The following MCMBP variants were observed in gnomAD, a reference collection of about 807,000 sequenced individuals.
The protein encoded by MCMBP is mini-chromosome maintenance complex-binding protein.
MCMBP carries 31 observed loss-of-function variants against 81.3 expected under a neutral mutation model. That is an observed-to-expected ratio of 0.38 (90% CI 0.29 to 0.51). The LOEUF (loss-of-function observed/expected upper bound fraction) is 0.51. MCMBP is among the 20% of genes least tolerant of loss of function. MCMBP has a pLI of 0.87. For synonymous variants in MCMBP, 267 were observed against 275.9 expected (o/e 0.97, Z 0.32); for missense variants, 645 against 772.1 (o/e 0.84, Z 1.95).
In MCMBP at chr10:119,831,227, C is replaced by CT. The variant is rs368731031; in HGVS notation, c.*246dup. The CT allele has an allele frequency of 6.5e-5, 16 of 244,992 alleles. No individual in the cohort carries two copies. Among genetic ancestry groups the CT allele is most frequent in the African/African-American group, 2.7e-4 (12 of 43,944 alleles). 15.2% of individuals were successfully genotyped at this position (244,992 alleles called of 1,614,324 possible). On this transcript the variant is annotated 3_prime_UTR_variant, in exon 16 of 16. Coordinates refer to ENST00000369077, the MANE Select transcript of MCMBP (RefSeq NM_001256378.2). ...AATATTAAACTTTTAATATCAAATA[C>CT]TTTTTTTACATCATTACTAATTTAT...
intron 5 of MCMBP, among the ~76,000 whole-genome samples, chr10:119,855,940 T>G (rs1853024563): frequency 6.6e-6 from 1 of 152,136 alleles, no homozygotes; most frequent in Non-Finnish European, 1.5e-5. Context: ...TCAAAATATC[T>G]GTTAAAAAAC....
intron 1 of MCMBP, among the ~76,000 whole-genome samples, chr10:119,871,351 T>TG (rs1049979623): frequency 6.6e-6 from 1 of 152,180 alleles, no homozygotes; most frequent in African/African-American, 2.4e-5. Context: ...GAATTTTTTT[T>TG]TTTTTCAAGT....
chr10:119,847,878 G>C (rs1228665681), intron 7 of MCMBP, among the ~76,000 whole-genome samples, 165 bp from the exon 8 acceptor site: 1 of 151,892 alleles, frequency 6.6e-6, no homozygotes, highest in Non-Finnish European at 1.5e-5. Flanking sequence ...CATTCTGCTA[G>C]TTAGCAAATA....
intron 5 of MCMBP, among the ~76,000 whole-genome samples, chr10:119,855,390 G>C (rs1852998547): frequency 6.6e-6 from 1 of 152,150 alleles, no homozygotes; most frequent in Non-Finnish European, 1.5e-5. Flanking sequence ...CTAGAAAAAG[G>C]GCCAGGCGCG....
rs994253770 is a variant in MCMBP, at chr10:119,835,760, T to C, written c.1543-56A>G. On this transcript the variant is annotated intron_variant, in intron 13 of 15. Transcript: ENST00000369077. ...TGAGTTCCTAAATTAATCTACATTT[T>C]TAAAGAAAGATGCATCATCTCTGTC... 3.8e-6 allele frequency: 6 copies of C among 1,572,262 alleles called. No homozygotes were observed. In the African/African-American group the frequency reaches 8.1e-5, roughly 21 times the overall value.
At position 119,854,907 on chromosome 10, in the gene MCMBP, T is replaced by G. The variant is rs181968672; in HGVS notation, c.430-1713A>C. On this transcript the variant is annotated intron_variant, in intron 5 of 15. Transcript: ENST00000369077. ...AAGCGGAGGTTGCAGTGAGCCGAAA[T>G]TGCACCACTGCACTCCAGCCTGGTG... 2.4e-3 allele frequency among the ~76,000 whole-genome samples: 356 copies of G among 150,452 alleles called. 1 individual carries two copies. Among genetic ancestry groups the G allele is most frequent in the African/African-American group, 8.0e-3 (325 of 40,848 alleles).
rs752090852 is a variant in MCMBP, at chr10:119,857,328, T to C, written c.429+10A>G. The C allele has an allele frequency of 1.9e-6, 3 of 1,581,324 alleles. No individual in the cohort carries two copies. The highest frequency in any genetic ancestry group is 2.3e-5 in the South Asian group (2 of 88,130). On this transcript the variant is annotated intron_variant, in intron 5 of 15. Transcript: ENST00000369077. ...CATCAACACAGTAAGAAAGTTCAGA[T>C]AAAGGATATTTCTTTTACCCACGTA... is the stretch of plus-strand genomic sequence containing the variant.
intron 2 of MCMBP, among the ~76,000 whole-genome samples, chr10:119,859,490 CTT>C (rs1257371420): frequency 2.6e-5 from 4 of 152,158 alleles, no homozygotes; most frequent in Admixed American, 6.5e-5. Flanking sequence ...GAGCTCTTCT[CTT>C]AAAACTAGCA....
chr10:119,850,613 G>A (rs1270974883), intron 6 of MCMBP, among the ~76,000 whole-genome samples: 1 of 151,768 alleles, frequency 6.6e-6, no homozygotes, highest in Non-Finnish European at 1.5e-5. Context: ...GCCAGGCGTG[G>A]TGATGGGGGC....
upstream of MCMBP, chr10:119,873,349 A>G (rs1031685560): frequency 3.9e-5 from 6 of 152,242 alleles, no homozygotes; most frequent in African/African-American, 1.4e-4. Context: ...GAAGGTGCAC[A>G]TTTAGAGAAG....
At chr10:119,864,588 T>C (rs1476451016) in intron 1 of MCMBP, among the ~76,000 whole-genome samples, 1 of 152,140 alleles carries the variant, frequency 6.6e-6, no homozygotes, top group Non-Finnish European at 1.5e-5. Flanking sequence ...TATTGATTTT[T>C]TTTTTAAAGA....
intron 7 of MCMBP, 68 bp downstream of exon 7, chr10:119,849,357 C>G (rs1852728500): frequency 6.6e-7 from 1 of 1,510,482 alleles, no homozygotes; most frequent in Admixed American, 2.1e-5. Context: ...AATGCAAATG[C>G]TCAGACACTA....
Position 119,840,203 on chromosome 10 carries a change from A to G in MCMBP, c.1242+640T>C, listed in dbSNP as rs752185197. ...GTGTAAAGTGAGTCTAAGGAGACTG[A>G]GAACTGCTGGTATATTCCAGTCCAC... On this transcript the variant is annotated intron_variant, in intron 11 of 15. Coordinates refer to ENST00000369077, the MANE Select transcript of MCMBP (RefSeq NM_001256378.2). Among the ~76,000 whole-genome samples, 116 of 152,220 alleles carry G rather than the reference A, an allele frequency of 7.6e-4. 1 individual carries two copies. Among genetic ancestry groups the G allele is most frequent in the Admixed American group, 5.9e-4 (9 of 15,272 alleles).
intron 1 of MCMBP, 106 bp downstream of exon 1, chr10:119,872,421 C>G: frequency 1.7e-6 from 1 of 605,412 alleles, no homozygotes; most frequent in Non-Finnish European, 2.2e-6. Flanking sequence ...TCGGGCCACG[C>G]GAGCCCTCGA....
intron 11 of MCMBP, among the ~76,000 whole-genome samples, 162 bp downstream of exon 11, chr10:119,840,681 A>G (rs1220487021): frequency 6.6e-6 from 1 of 152,258 alleles, no homozygotes; most frequent in East Asian, 1.9e-4. Context: ...TGAAATGTTT[A>G]GGGGAACGTA....
chr10:119,851,178 A>AT (rs1490517477), intron 6 of MCMBP, among the ~76,000 whole-genome samples: 2 of 152,098 alleles, frequency 1.3e-5, no homozygotes, highest in African/African-American at 2.4e-5. Context: ...TCTCTGTATT[A>AT]TTTCTTACAA....
In MCMBP at chr10:119,853,178, T is replaced by C; in HGVS notation, c.446A>G (p.Asn149Ser). ...TWVKEAYVNA[N>S]QARVSPSTSY... ...TGTTGAGGGACTGACTCGAGCTTGGTTTGCATTAACATAGGCGTTAAACGA... is the reference window on the plus strand; with the variant it reads ...TGTTGAGGGACTGACTCGAGCTTGGCTTGCATTAACATAGGCGTTAAACGA... Residue 149 changes from asparagine (N) to serine (S), a missense_variant, in exon 6 of 16, where the codon AAC becomes AGC. Coordinates refer to ENST00000369077, the MANE Select transcript of MCMBP (RefSeq NM_001256378.2). 2 of 1,613,884 alleles carry C rather than the reference T, an allele frequency of 1.2e-6. No individual in the cohort carries two copies. The highest frequency in any genetic ancestry group is 1.7e-6 in the Non-Finnish European group (2 of 1,179,860).
intron 5 of MCMBP, among the ~76,000 whole-genome samples, 191 bp from the exon 6 acceptor site, chr10:119,853,385 C>T (rs1220103913): frequency 6.6e-6 from 1 of 152,210 alleles, no homozygotes; most frequent in African/African-American, 2.4e-5. Flanking sequence ...GCTATCCTTG[C>T]TGTAAACAAC....
intron 1 of MCMBP, among the ~76,000 whole-genome samples, chr10:119,869,935 T>C (rs923808715): frequency 1.3e-5 from 2 of 152,232 alleles, no homozygotes; most frequent in Non-Finnish European, 2.9e-5. Flanking sequence ...GCTAATATAA[T>C]AGCCCCTATC....
Sources: allele counts gnomAD v4.1 joint callset (sites outside exome capture counted in the v4.1 genomes callset), GRCh38; gene constraint gnomAD v4.1.1; transcripts MANE v1.5; gene names NCBI Gene and HGNC (gene_info 2026-07-23, HGNC 2026-07-21).